Variants in ADGB observed in about 807,000 individuals in gnomAD.
The protein encoded by ADGB is calpain-7-like protein.
In ADGB, 172 loss-of-function variants were observed where a neutral mutation model predicts 210.5. The ratio of observed to expected loss-of-function variants is 0.82; its 90% CI spans 0.72 to 0.93. The LOEUF (loss-of-function observed/expected upper bound fraction) is 0.93, where lower values mean the gene tolerates loss of function less well. Ranked by LOEUF, ADGB falls within the 40% of genes least tolerant of loss-of-function variation. The pLI, the probability that ADGB is intolerant of heterozygous loss-of-function variation, is 0.00. For synonymous variants in ADGB, 658 were observed against 662.7 expected (o/e 0.99, Z 0.11); for missense variants, 2,025 against 1,964.8 (o/e 1.03, Z -0.58).
Position 146,788,553 on chromosome 6 carries a change from G to C in ADGB, c.4480G>C (p.Gly1494Arg). 6.4e-7 allele frequency: 1 copy of C among 1,551,654 alleles called. No individual in the cohort carries two copies. Among genetic ancestry groups the C allele is most frequent in the Non-Finnish European group, 8.7e-7 (1 of 1,146,918 alleles). Residue 1494 changes from glycine (G) to arginine (R), a missense_variant, in exon 33 of 36, where the codon GGA (glycine) becomes CGA (arginine). Gly to Arg is a moderately radical substitution (Grantham distance 125). Coordinates refer to ENST00000397944, the MANE Select transcript of ADGB (RefSeq NM_024694.4). Reference protein sequence around the residue: ...VAKSTSSESGGVSSPGKEERE... With the variant: ...VAKSTSSESGRVSSPGKEERE... ...AAAATCCACGAGTAGCGAAAGTGGA[G>C]GAGTGTCTTCACCAGGGAAAGAAGA...
At chr6:146,778,948 A>G (rs1777758852) in intron 29 of ADGB, among the ~76,000 whole-genome samples, 1 of 152,200 alleles carries the variant, frequency 6.6e-6, no homozygotes, top group Admixed American at 6.5e-5. Context: ...GGAAACTTAT[A>G]AAAGTCTGCA....
intron 2 of ADGB, among the ~76,000 whole-genome samples, chr6:146,637,959 A>G (rs1775448741): frequency 6.6e-6 from 1 of 151,968 alleles, no homozygotes; most frequent in Non-Finnish European, 1.5e-5. Flanking sequence ...GGCCACTATC[A>G]TCGATGAACA....
chr6:146,685,135 A>C (rs1776211500), intron 9 of ADGB, among the ~76,000 whole-genome samples: 2 of 152,220 alleles, frequency 1.3e-5, no homozygotes, highest in South Asian at 2.1e-4. Context: ...GGACCAAAAA[A>C]TACTGAATAA....
chr6:146,753,497 G>A (rs999075270), intron 27 of ADGB, among the ~76,000 whole-genome samples: 6 of 151,828 alleles, frequency 4.0e-5, no homozygotes, highest in Admixed American at 2.0e-4. Flanking sequence ...TGATGATGAC[G>A]TATTTCCTTT....
chr6:146,793,175 T>A (rs1263083830), intron 33 of ADGB, among the ~76,000 whole-genome samples: 2 of 152,156 alleles, frequency 1.3e-5, no homozygotes, highest in Non-Finnish European at 2.9e-5. Context: ...AGACTCCTGA[T>A]GAGTGGCGCA....
chr6:146,784,499 A>G, intron 30 of ADGB, 119 bp from the exon 31 acceptor site: 2 of 836,320 alleles, frequency 2.4e-6, no homozygotes, highest in Non-Finnish European at 1.7e-6. Flanking sequence ...TTTTGTGAAT[A>G]TATGTTTTCA....
chr6:146,812,685 A>G (rs1778319411), intron 35 of ADGB, among the ~76,000 whole-genome samples: 2 of 152,232 alleles, frequency 1.3e-5, no homozygotes, highest in African/African-American at 4.8e-5. Context: ...TGTTATCGAC[A>G]TTGTCAGCGT....
intron 24 of ADGB, 144 bp downstream of exon 24, chr6:146,740,737 A>G (rs1490466295): frequency 2.7e-6 from 2 of 728,360 alleles, no homozygotes; most frequent in Non-Finnish European, 4.2e-6. Flanking sequence ...GGCATTTTAA[A>G]TGAGATATTA....
chr6:146,685,686 C>A (rs1254875616), intron 9 of ADGB, 48 bp from the exon 10 acceptor site: 10 of 1,220,584 alleles, frequency 8.2e-6, no homozygotes, highest in Admixed American at 3.0e-5. Context: ...AACTGACAGA[C>A]CGATTTTGAC....
intron 3 of ADGB, among the ~76,000 whole-genome samples, chr6:146,652,533 G>T (rs1257808553): frequency 6.6e-6 from 1 of 151,726 alleles, no homozygotes; most frequent in African/African-American, 2.4e-5. Context: ...ATGTTAATTT[G>T]GTATGTTAAA....
chr6:146,803,500 T>C (rs1438701236), intron 35 of ADGB: 6 of 1,602,248 alleles, frequency 3.7e-6, no homozygotes, highest in Non-Finnish European at 5.1e-6. Flanking sequence ...CTTTCTGCGA[T>C]AGATCACTTT....
At chr6:146,784,484 A>G in intron 30 of ADGB, 134 bp from the exon 31 acceptor site, 2 of 733,628 alleles carry the variant, frequency 2.7e-6, no homozygotes, top group Non-Finnish European at 4.0e-6. Flanking sequence ...ATTTTCGTAC[A>G]AGTCTTTTGT....
At chr6:146,803,771 A>G in intron 35 of ADGB, 1 of 643,990 alleles carries the variant, frequency 1.6e-6, no homozygotes, top group Non-Finnish European at 2.6e-6. Context: ...CCGCGCTGAC[A>G]ATCAGCGCCC....
intron 7 of ADGB, among the ~76,000 whole-genome samples, chr6:146,669,564 G>T (rs1006990358): frequency 2.6e-4 from 39 of 151,984 alleles, no homozygotes; most frequent in African/African-American, 8.2e-4. Flanking sequence ...TCTTAAACAA[G>T]TTATTTCCTT....
intron 13 of ADGB, among the ~76,000 whole-genome samples, chr6:146,703,439 C>T (rs1236583465): frequency 3.3e-5 from 5 of 151,688 alleles, no homozygotes; most frequent in Non-Finnish European, 5.9e-5. Context: ...CTATAGACCC[C>T]GTGTTGCAAA....
At position 146,721,431 on chromosome 6, in the gene ADGB, T is replaced by C; in HGVS notation, c.2021T>C (p.Leu674Pro). The C allele has an allele frequency of 6.4e-7, 1 of 1,550,962 alleles. No homozygotes were observed. The highest frequency in any genetic ancestry group is 8.7e-7 in the Non-Finnish European group (1 of 1,146,298). The change falls in exon 17 of 36, where the codon CTA becomes CCA. Residue 674 changes from leucine to proline, a missense_variant. Physicochemically the swap from Leu to Pro is moderately conservative, Grantham distance 98. Transcript: ENST00000397944. The stretch of plus-strand genomic sequence containing the variant: ...TCAGAAGAACGAGTGTCCTACTATC[T>C]ATTTGTAGATAGTCTAAAACCTATT... ...KFSEERVSYY[L>P]FVDSLKPIEL...
intron 3 of ADGB, among the ~76,000 whole-genome samples, chr6:146,648,591 C>T (rs1351844023): frequency 1.3e-5 from 2 of 152,006 alleles, no homozygotes; most frequent in African/African-American, 4.8e-5. Context: ...CATCAAATCT[C>T]ATGAGAACTC....
intron 9 of ADGB, among the ~76,000 whole-genome samples, chr6:146,684,909 G>A (rs894596597): frequency 6.6e-6 from 1 of 152,048 alleles, no homozygotes; most frequent in Admixed American, 6.6e-5. Flanking sequence ...GTAAAAGTAT[G>A]TTTCTCTAAG....
chr6:146,644,712 A>AAATT, intron 2 of ADGB, 61 bp from the exon 3 acceptor site: 1 of 1,056,088 alleles, frequency 9.5e-7, no homozygotes, highest in Non-Finnish European at 1.3e-6. Flanking sequence ...TTTTTTATTA[A>AAATT]AATTGTTTTT....
Sources: gnomAD v4.1 joint callset for allele counts (sites outside exome capture counted in the v4.1 genomes callset) on GRCh38, gnomAD v4.1.1 for gene constraint, MANE v1.5 for transcripts, NCBI Gene and HGNC (gene_info 2026-07-23, HGNC 2026-07-21) for gene names.